Variants in NCOR1 observed in about 807,000 individuals in gnomAD.
NCOR1 encodes the protein protein phosphatase 1, regulatory subunit 109.
In NCOR1, 63 loss-of-function variants were observed where a neutral mutation model predicts 288.1. The observed-to-expected ratio is 0.22, with a 90% CI of 0.18 to 0.27. The LOEUF (loss-of-function observed/expected upper bound fraction) is 0.27. Among genes scored for constraint, NCOR1 ranks in the 10% least tolerant of loss-of-function variants. The pLI, the probability that NCOR1 is intolerant of heterozygous loss-of-function variation, is 1.00. For missense variants in NCOR1, 2,397 were observed against 3,019.2 expected, an observed-to-expected ratio of 0.79 and a Z score of 4.83; for synonymous variants, 1,007 against 1,065.9, an observed-to-expected ratio of 0.94 and a Z score of 1.08.
At chr17:16,106,086 G>T (rs914133028) in intron 19 of NCOR1, among the ~76,000 whole-genome samples, 1 of 152,038 alleles carries the variant, frequency 6.6e-6, no homozygotes, top group Non-Finnish European at 1.5e-5. Flanking sequence ...GGCAACAAGC[G>T]CGAGACTCCA....
intron 15 of NCOR1, 151 bp downstream of exon 15, chr17:16,125,931 T>G: frequency 2.2e-6 from 1 of 448,918 alleles, no homozygotes; most frequent in Non-Finnish European, 3.9e-6. Context: ...ATGGGTATAA[T>G]GTACACTATT....
intron 1 of NCOR1, among the ~76,000 whole-genome samples, chr17:16,201,709 A>G (rs565141004): frequency 1.3e-5 from 2 of 152,340 alleles, no homozygotes; most frequent in Admixed American, 1.3e-4. Flanking sequence ...ATCCAACTGA[A>G]AACTCTGTGG....
At chr17:16,161,912 T>G (rs1005951043) in intron 5 of NCOR1, among the ~76,000 whole-genome samples, 1 of 152,152 alleles carries the variant, frequency 6.6e-6, no homozygotes, top group Non-Finnish European at 1.5e-5. Context: ...TTATCTCAAT[T>G]CATAAAACAA....
chr17:16,041,473 G>A (rs1335185209), intron 42 of NCOR1, among the ~76,000 whole-genome samples: 1 of 143,194 alleles, frequency 7.0e-6, no homozygotes, highest in Non-Finnish European at 1.5e-5. Context: ...GAGTGCAATG[G>A]CGTGATCTAG....
intron 23 of NCOR1, 103 bp downstream of exon 23, chr17:16,086,179 T>C (rs2064197546): frequency 8.2e-7 from 1 of 1,217,894 alleles, no homozygotes; most frequent in African/African-American, 1.5e-5. Flanking sequence ...TTCAGACAGA[T>C]TATTATTTAT....
intron 40 of NCOR1, among the ~76,000 whole-genome samples, chr17:16,054,082 A>C (rs972245778): frequency 6.0e-5 from 9 of 150,212 alleles, no homozygotes; most frequent in Non-Finnish European, 1.2e-4. Context: ...AAAAAAAAAA[A>C]AAAAAAAAAA....
chr17:16,158,713 T>C (rs1480784730), intron 6 of NCOR1, 47 bp downstream of exon 6: 1 of 1,179,678 alleles, frequency 8.5e-7, no homozygotes, highest in East Asian at 2.4e-5. Context: ...AAGGGCATCG[T>C]CAAGTGGGGT....
At chr17:16,062,531 AT>A (rs1239220113) in intron 35 of NCOR1, among the ~76,000 whole-genome samples, 1 of 152,200 alleles carries the variant, frequency 6.6e-6, no homozygotes, top group African/African-American at 2.4e-5. Context: ...TCTCTGATAA[AT>A]TTCAATCTTG....
intron 19 of NCOR1, among the ~76,000 whole-genome samples, chr17:16,106,437 C>CA (rs35550102): frequency 0.39 from 58,247 of 148,750 alleles, 13,425 homozygotes; most frequent in Middle Eastern, 0.55. Flanking sequence ...CCTAAAAATA[C>CA]AAAAAAAAAC....
chr17:16,100,140 C>A (rs898547025), intron 20 of NCOR1, among the ~76,000 whole-genome samples: 16 of 152,092 alleles, frequency 1.1e-4, no homozygotes, highest in African/African-American at 3.6e-4. Flanking sequence ...GTCTAATTCA[C>A]TTCTAGAATT....
chr17:16,070,472 A>G lies in NCOR1; in HGVS notation c.4206T>C (p.Asn1402=), dbSNP rs1414010925. The part of the protein sequence containing the change: ...NNSGQSAIKH[N]VKSLITGPSK... ...TAGGCCCCGTGATTAAGGATTTGACATTGTGTTTGATGGCAGATTGACCTG... is the reference window on the plus strand; with the variant it reads ...TAGGCCCCGTGATTAAGGATTTGACGTTGTGTTTGATGGCAGATTGACCTG... Residue 1402 remains asparagine (N), a synonymous_variant, in exon 31 of 46, where the codon AAT becomes AAC. Coordinates refer to ENST00000268712, the MANE Select transcript of NCOR1 (RefSeq NM_006311.4). 1.2e-6 allele frequency: 2 copies of G among 1,614,184 alleles called. No individual in the cohort carries two copies. Among genetic ancestry groups the G allele is most frequent in the East Asian group, 2.2e-5 (1 of 44,884 alleles).
At chr17:16,164,579 T>C (rs1306899096) in intron 5 of NCOR1, among the ~76,000 whole-genome samples, 2 of 151,982 alleles carry the variant, frequency 1.3e-5, no homozygotes, top group East Asian at 3.9e-4. Context: ...AAGCTGCCAG[T>C]AGGAATGTAA....
intron 6 of NCOR1, among the ~76,000 whole-genome samples, chr17:16,154,015 CTTTTTTTTTTTTT>C (rs61436082): frequency 4.6e-5 from 5 of 109,676 alleles, no homozygotes; most frequent in South Asian, 2.9e-4. Flanking sequence ...ATGCTATTTC[CTTTTTTTTTTTTT>C]TTTTTTTTTT....
intron 18 of NCOR1, among the ~76,000 whole-genome samples, chr17:16,109,414 T>TA (rs1369933018): frequency 6.6e-6 from 1 of 152,068 alleles, no homozygotes; most frequent in African/African-American, 2.4e-5. Flanking sequence ...TGTATACATG[T>TA]AAACACAACC....
At position 16,121,225 on chromosome 17, in the gene NCOR1, T is replaced by C; in HGVS notation, c.1679A>G (p.Glu560Gly). ...EKDKIDGTAE[E>G]TEEREQATPR... Reference sequence around the variant, plus strand: ...TGTGGCTTGCTCTCTTTCCTCAGTTTCTTCTGCTGTACCATCTATCTTGTC... The same window carrying C: ...TGTGGCTTGCTCTCTTTCCTCAGTTCCTTCTGCTGTACCATCTATCTTGTC... The change falls in exon 16 of 46, where the codon GAA (glutamate) becomes GGA (glycine). Residue 560 changes from glutamate to glycine, a missense_variant. By Grantham distance (98) the Glu-to-Gly change is moderately conservative. Transcript: ENST00000268712. The C allele has an allele frequency of 3.7e-6, 6 of 1,614,128 alleles. No individual in the cohort carries two copies. Among genetic ancestry groups the C allele is most frequent in the Non-Finnish European group, 5.1e-6 (6 of 1,180,042 alleles).
At chr17:16,072,349 A>G (rs2061854787) in intron 28 of NCOR1, 121 bp from the exon 29 acceptor site, 5 of 663,502 alleles carry the variant, frequency 7.5e-6, no homozygotes, top group Non-Finnish European at 1.2e-5. Context: ...AGGAATGTCA[A>G]TTTAAGTTTG....
intron 18 of NCOR1, among the ~76,000 whole-genome samples, chr17:16,111,654 G>T (rs1598782727): frequency 6.6e-6 from 1 of 151,138 alleles, no homozygotes; most frequent in South Asian, 2.1e-4. Flanking sequence ...AAGACATTCT[G>T]CCAGGAAAAC....
intron 2 of NCOR1, 130 bp downstream of exon 2, chr17:16,194,332 G>A: frequency 3.9e-6 from 2 of 513,818 alleles, no homozygotes; most frequent in Non-Finnish European, 6.8e-6. Flanking sequence ...CCTTGTCTTT[G>A]TAAATAGCTC....
At position 16,057,514 on chromosome 17, in the gene NCOR1, C is replaced by T. The variant is rs2060075903; in HGVS notation, c.6392G>A (p.Ser2131Asn). Residue 2131 changes from serine to asparagine, a missense_variant and splice_region_variant, in exon 40 of 46, where the codon AGT becomes AAT. Ser to Asn is a conservative substitution (Grantham distance 46). This residue lies in a region of NCOR1 where 1,872 missense variants were observed against 2,187.8 expected (regional missense o/e 0.86). Transcript: ENST00000268712. Reference protein sequence around the residue: ...PENLVDKSRGSRPGKSPERSH... With the variant: ...PENLVDKSRGNRPGKSPERSH... Reference sequence around the variant, plus strand: ...ATATAATTTGGAATAAAGATCATACCTTCCCCTGGATTTGTCCACAAGATT... The same window carrying T: ...ATATAATTTGGAATAAAGATCATACTTTCCCCTGGATTTGTCCACAAGATT... The T allele has an allele frequency of 6.2e-7, 1 of 1,612,390 alleles. No individual in the cohort carries two copies. Among genetic ancestry groups the T allele is most frequent in the African/African-American group, 1.3e-5 (1 of 74,816 alleles).
Sources: allele counts gnomAD v4.1 joint callset (sites outside exome capture counted in the v4.1 genomes callset), GRCh38; gene constraint gnomAD v4.1.1; regional missense constraint gnomAD v4.1.1; transcripts MANE v1.5; gene names NCBI Gene and HGNC (gene_info 2026-07-23, HGNC 2026-07-21).